Variants in SYNE1 observed in about 807,000 individuals in gnomAD.
The protein encoded by SYNE1 is spectrin repeat containing nuclear envelope protein 1.
A neutral mutation model predicts 1,111.0 loss-of-function variants in SYNE1; 616 were observed. The observed-to-expected ratio is 0.55, with a 90% CI of 0.52 to 0.59. The LOEUF (loss-of-function observed/expected upper bound fraction) is 0.59. SYNE1 is among the 20% of genes least tolerant of loss of function. The pLI, the probability that SYNE1 is intolerant of heterozygous loss-of-function variation, is 0.00. For synonymous variants in SYNE1, 3,855 were observed against 3,825.8 expected (o/e 1.01, Z -0.28); for missense variants, 10,006 against 10,417.0 (o/e 0.96, Z 1.72).
At chr6:152,261,255 G>A (rs991824941) in intron 101 of SYNE1, among the ~76,000 whole-genome samples, 4 of 152,212 alleles carry the variant, frequency 2.6e-5, no homozygotes, top group African/African-American at 9.6e-5. Context: ...CAAAGGACTA[G>A]TCTTGTATCT....
chr6:152,363,955 A>G (rs2096998797), intron 63 of SYNE1, among the ~76,000 whole-genome samples: 1 of 152,150 alleles, frequency 6.6e-6, no homozygotes. Context: ...AACATACCTG[A>G]TATGGTTAAG....
At chr6:152,356,852 G>A (rs990030044) in intron 66 of SYNE1, among the ~76,000 whole-genome samples, 1 of 152,186 alleles carries the variant, frequency 6.6e-6, no homozygotes, top group Non-Finnish European at 1.5e-5. Context: ...ACCGGCTTAA[G>A]TGAAATATTT....
At position 152,600,259 on chromosome 6, in the gene SYNE1, G is replaced by C. The variant is rs149924187; in HGVS notation, c.67+28006C>G. Among the ~76,000 whole-genome samples the C allele has an allele frequency of 7.7e-3, 1,171 of 152,322 alleles. 13 individuals carry two copies. The highest frequency in any genetic ancestry group is 0.027 in the African/African-American group (1,120 of 41,568). ...CTAAGGAACAGTTGCCATGACCCAG[G>C]TGAGAAGGAACTGAGAGTCCAAACA... On this transcript the variant is annotated intron_variant, in intron 3 of 145. Transcript: ENST00000367255.
At chr6:152,408,299 G>A (rs374278934) in intron 44 of SYNE1, among the ~76,000 whole-genome samples, 2 of 152,134 alleles carry the variant, frequency 1.3e-5, no homozygotes, top group African/African-American at 4.8e-5. Flanking sequence ...AAAATCAAGT[G>A]ACTTGTTCTG....
At chr6:152,596,996 A>T (rs938016150) in intron 3 of SYNE1, among the ~76,000 whole-genome samples, 1 of 152,208 alleles carries the variant, frequency 6.6e-6, no homozygotes, top group African/African-American at 2.4e-5. Context: ...AAATTGGTAG[A>T]CAAAATAAAA....
At chr6:152,139,717 AAAAGAAAGAAAG>A (rs138419982) in intron 140 of SYNE1, among the ~76,000 whole-genome samples, 1,831 of 95,492 alleles carry the variant, frequency 0.019, 64 homozygotes, top group African/African-American at 0.068. Flanking sequence ...AAAAGAAAGA[AAAAGAAAGAAAG>A]AAAGAAAGAA....
chr6:152,520,698 G>T (rs1051125825), intron 5 of SYNE1, among the ~76,000 whole-genome samples, 156 bp from the exon 6 acceptor site: 1 of 152,068 alleles, frequency 6.6e-6, no homozygotes, highest in East Asian at 1.9e-4. Flanking sequence ...ATACATAAAG[G>T]GGTGTTCCCC....
intron 3 of SYNE1, among the ~76,000 whole-genome samples, chr6:152,577,208 T>A (rs1201980659): frequency 6.6e-6 from 1 of 152,166 alleles, no homozygotes; most frequent in Non-Finnish European, 1.5e-5. Context: ...TTTAAAGAAG[T>A]CACATTGCTA....
chr6:152,393,254 GTGT>G (rs1563659840), intron 51 of SYNE1, among the ~76,000 whole-genome samples: 2 of 152,136 alleles, frequency 1.3e-5, no homozygotes, highest in African/African-American at 4.8e-5. Flanking sequence ...CGCAGTTTTG[GTGT>G]AATGATGGCA....
chr6:152,163,516 A>AG (rs1274455529), intron 131 of SYNE1, among the ~76,000 whole-genome samples: 1 of 150,072 alleles, frequency 6.7e-6, no homozygotes, highest in South Asian at 2.1e-4. Context: ...AAAAAAAAAA[A>AG]AAGAAAGAAT....
intron 129 of SYNE1, among the ~76,000 whole-genome samples, chr6:152,178,215 C>G (rs1449711244): frequency 1.3e-5 from 2 of 151,614 alleles, no homozygotes; most frequent in Non-Finnish European, 2.9e-5. Flanking sequence ...TTTCCCCACA[C>G]TCTCACAATA....
At chr6:152,456,652 T>G (rs561550368) in intron 22 of SYNE1, 187 of 424,092 alleles carry the variant, frequency 4.4e-4, no homozygotes, top group African/African-American at 3.5e-3. Context: ...CAGGACAAGA[T>G]GCAATGGTGA....
intron 2 of SYNE1, among the ~76,000 whole-genome samples, chr6:152,629,775 T>C (rs1474518346): frequency 2.0e-5 from 3 of 151,838 alleles, no homozygotes; most frequent in Non-Finnish European, 4.4e-5. Flanking sequence ...TGATTACAGT[T>C]CCCATTGCAT....
chr6:152,572,245 A>G (rs2099465195), intron 3 of SYNE1, among the ~76,000 whole-genome samples: 1 of 152,168 alleles, frequency 6.6e-6, no homozygotes, highest in Admixed American at 6.6e-5. Context: ...ATCTTACGTA[A>G]ATTCAAACTT....
chr6:152,372,892 G>C, intron 59 of SYNE1, 145 bp downstream of exon 59: 1 of 861,576 alleles, frequency 1.2e-6, no homozygotes, highest in Non-Finnish European at 1.9e-6. Flanking sequence ...ATTCCTTACT[G>C]TTAGCCCATT....
chr6:152,302,126 C>T (rs940159996), intron 91 of SYNE1, 63 bp from the exon 92 acceptor site: 1 of 1,604,154 alleles, frequency 6.2e-7, no homozygotes, highest in African/African-American at 1.3e-5. Flanking sequence ...GAAGTAGTAG[C>T]GTTCATCTTC....
chr6:152,296,044 T>C (rs2153792598), intron 93 of SYNE1, among the ~76,000 whole-genome samples: 1 of 152,326 alleles, frequency 6.6e-6, no homozygotes, highest in South Asian at 2.1e-4. Flanking sequence ...ATCCAACTTC[T>C]GAAAGGGTGA....
rs146516284 is a variant in SYNE1, at chr6:152,337,382, C to T, written c.12352-365G>A. Among the ~76,000 whole-genome samples, 452 of 152,150 alleles carry T rather than the reference C, an allele frequency of 3.0e-3. 1 individual carries two copies. Among genetic ancestry groups the T allele is most frequent in the Admixed American group, 5.4e-3 (83 of 15,284 alleles). ...TCGGCTCACAGCAATCTCTGCCTCC[C>T]GGGTTCAAGTGATTCTCCTGCCTCA... On this transcript the variant is annotated intron_variant, in intron 75 of 145. Coordinates refer to ENST00000367255, the MANE Select transcript of SYNE1 (RefSeq NM_182961.4).
chr6:152,250,609 A>G (rs1229667551), intron 104 of SYNE1, among the ~76,000 whole-genome samples: 1 of 152,242 alleles, frequency 6.6e-6, no homozygotes, highest in East Asian at 1.9e-4. Flanking sequence ...CAAAACTCAA[A>G]GCAATCTGCA....
Sources: allele counts gnomAD v4.1 joint callset (sites outside exome capture counted in the v4.1 genomes callset), GRCh38; gene constraint gnomAD v4.1.1; transcripts MANE v1.5; gene names NCBI Gene and HGNC (gene_info 2026-07-23, HGNC 2026-07-21).